SPG21: variants seen among roughly 807,000 people sequenced by gnomAD.
SPG21 encodes SPG21 abhydrolase domain containing, maspardin, also known as maspardin.
SPG21 carries 26 observed loss-of-function variants against 38.9 expected under a neutral mutation model. The ratio of observed to expected loss-of-function variants is 0.67; its 90% CI spans 0.49 to 0.93. The LOEUF is 0.93. Ranked by LOEUF, SPG21 falls within the 40% of genes least tolerant of loss-of-function variation. SPG21 has a pLI of 0.00. For missense variants in SPG21, 333 were observed against 376.5 expected, an observed-to-expected ratio of 0.88 and a Z score of 0.96; for synonymous variants, 136 against 128.9, an observed-to-expected ratio of 1.05 and a Z score of -0.37.
At chr15:64,964,024 C>T (rs1450366537) in intron 8 of SPG21, among the ~76,000 whole-genome samples, 3 of 152,084 alleles carry the variant, frequency 2.0e-5, no homozygotes, top group African/African-American at 7.2e-5. Context: ...CCCAAAGTGC[C>T]AGATTACAGG....
At chr15:64,972,519 T>TA (rs1197712856) in intron 5 of SPG21, among the ~76,000 whole-genome samples, 6 of 152,290 alleles carry the variant, frequency 3.9e-5, no homozygotes, top group Admixed American at 3.9e-4. Context: ...TGCTGAGTAA[T>TA]TACTAAGATA....
At chr15:64,987,990 C>T (rs1028039149) in intron 1 of SPG21, among the ~76,000 whole-genome samples, 5 of 152,176 alleles carry the variant, frequency 3.3e-5, no homozygotes, top group African/African-American at 7.2e-5. Context: ...GCCGAGATCA[C>T]GCCATTGCAC....
At chr15:64,974,474 CA>C (rs748818583) in intron 5 of SPG21, 127 bp downstream of exon 5, 824 of 1,100,670 alleles carry the variant, frequency 7.5e-4, no homozygotes, top group South Asian at 1.4e-3. Flanking sequence ...GACTCTGTCT[CA>C]AAAAAAAAGC....
chr15:64,969,335 C>T lies in SPG21; in HGVS notation c.589G>A (p.Ala197Thr). Residue 197 changes from alanine to threonine, a missense_variant, in exon 7 of 9, where the codon GCT (alanine) becomes ACT (threonine). By Grantham distance (58) the Ala-to-Thr change is moderately conservative (BLOSUM62 0). Transcript: ENST00000204566. ...TGACAATTCAAGGTAAGTCTTGAAG[C>T]CAGTTCACTCTGACCCAAACTTTCT... ...RLESLGQSEL[A>T]SRLTLNCQNS... is the part of the protein sequence containing the mutation. The T allele has an allele frequency of 1.2e-6, 2 of 1,613,908 alleles. No homozygotes were observed. The highest frequency in any genetic ancestry group is 1.7e-6 in the Non-Finnish European group (2 of 1,179,860).
rs748732125 is a variant in SPG21, at chr15:64,980,903, C to T, written c.186G>A (p.Gln62=). 6.2e-7 allele frequency: 1 copy of T among 1,613,832 alleles called. No individual in the cohort carries two copies. Among genetic ancestry groups the T allele is most frequent in the Non-Finnish European group, 8.5e-7 (1 of 1,179,980 alleles). ...AACCCCATCCAGTCAGAGCCAAAATCTGCCGGAAAAAGACATCTGCAGTTC... is the reference window on the plus strand; with the variant it reads ...AACCCCATCCAGTCAGAGCCAAAATTTGCCGGAAAAAGACATCTGCAGTTC... ...VSGTADVFFR[Q]ILALTGWGYR... Residue 62 remains glutamine (Q), a synonymous_variant, in exon 3 of 9, where the codon CAG becomes CAA. Coordinates refer to ENST00000204566, the MANE Select transcript of SPG21 (RefSeq NM_016630.7).
Position 64,976,514 on chromosome 15 carries a change from A to G in SPG21, c.267T>C (p.Asp89=), listed in dbSNP as rs2085776836. The G allele has an allele frequency of 1.2e-6, 2 of 1,613,268 alleles. No individual in the cohort carries two copies. The highest frequency in any genetic ancestry group is 1.3e-5 in the African/African-American group (1 of 74,918). The change falls in exon 4 of 9, where the codon GAT becomes GAC. Residue 89 remains aspartate, a synonymous_variant. Transcript: ENST00000204566. ...AATGGTCTAAAAGTTTTCTGAATCC[A>G]TCACAGAACTCGAGATGGTCCCAAT... The part of the protein sequence containing the change: ...PVYWDHLEFC[D]GFRKLLDHLQ...
At position 64,976,542 on chromosome 15, in the gene SPG21, A is replaced by G; in HGVS notation, c.239T>C (p.Val80Ala). 6.2e-7 allele frequency: 1 copy of G among 1,610,962 alleles called. No homozygotes were observed. Among genetic ancestry groups the G allele is most frequent in the Non-Finnish European group, 8.5e-7 (1 of 1,177,444 alleles). The change falls in exon 4 of 9, where the codon GTT becomes GCT. Residue 80 changes from valine (V) to alanine (A), a missense_variant. Physicochemically the swap from Val to Ala is moderately conservative, Grantham distance 64. Coordinates refer to ENST00000204566, the MANE Select transcript of SPG21 (RefSeq NM_016630.7). Reference sequence around the variant, plus strand: ...ACAGAACTCGAGATGGTCCCAATAAACTGGATACTGCAACTGAAATAATAA... The same window carrying G: ...ACAGAACTCGAGATGGTCCCAATAAGCTGGATACTGCAACTGAAATAATAA... ...GYRVIALQYP[V>A]YWDHLEFCDG...
intron 6 of SPG21, 30 bp downstream of exon 6, chr15:64,970,084 G>A: frequency 6.5e-7 from 1 of 1,545,516 alleles, no homozygotes; most frequent in Non-Finnish European, 8.9e-7. Flanking sequence ...CCAATACAAT[G>A]TGTCCCCAAC....
At chr15:64,973,872 A>C (rs924080178) in intron 5 of SPG21, among the ~76,000 whole-genome samples, 2 of 152,252 alleles carry the variant, frequency 1.3e-5, no homozygotes, top group African/African-American at 4.8e-5. Flanking sequence ...TCAAGGAAAT[A>C]AATTGGAAAG....
intron 7 of SPG21, among the ~76,000 whole-genome samples, chr15:64,967,498 G>A (rs1340121300): frequency 6.7e-5 from 10 of 148,474 alleles, no homozygotes; most frequent in South Asian, 2.1e-4. Context: ...TTTTTGAGAC[G>A]AAGTCTCACT....
intron 1 of SPG21, among the ~76,000 whole-genome samples, chr15:64,984,995 C>T (rs998368145): frequency 3.9e-5 from 6 of 151,998 alleles, no homozygotes; most frequent in African/African-American, 1.5e-4. Context: ...ATGATCCACC[C>T]GCCTCAGCCT....
Position 64,981,669 on chromosome 15 carries a change from C to T in SPG21, c.64-644G>A, listed in dbSNP as rs367782351. ...CAGCCTGAGCAACAGAGGGAGAGATCCTGTCTCTTAAAAAAAAAAAAGGCA... is the reference window on the plus strand; with the variant it reads ...CAGCCTGAGCAACAGAGGGAGAGATTCTGTCTCTTAAAAAAAAAAAAGGCA... On this transcript the variant is annotated intron_variant, in intron 2 of 8. Transcript: ENST00000204566. 849 of 151,378 alleles carry T rather than the reference C, an allele frequency of 5.6e-3. 48 individuals carry two copies. In the South Asian group the frequency reaches 0.12, roughly 22 times the overall value. 9.4% of individuals were successfully genotyped at this position (151,378 alleles called of 1,614,324 possible).
intron 4 of SPG21, 43 bp from the exon 5 acceptor site, chr15:64,974,790 A>G (rs2085744065): frequency 6.2e-7 from 1 of 1,612,638 alleles, no homozygotes; most frequent in South Asian, 1.1e-5. Context: ...AATACTGATC[A>G]ATCTTGAACC....
chr15:64,983,623 C>T (rs2085928575), intron 1 of SPG21, 30 bp from the exon 2 acceptor site: 1 of 1,320,326 alleles, frequency 7.6e-7, no homozygotes, highest in Non-Finnish European at 1.1e-6. Flanking sequence ...TATTTCACGT[C>T]AAGAATTCAT....
intron 7 of SPG21, among the ~76,000 whole-genome samples, chr15:64,965,777 C>T (rs2085529658): frequency 6.7e-6 from 1 of 149,504 alleles, no homozygotes; most frequent in Non-Finnish European, 1.5e-5. Flanking sequence ...TCTCGGCTCA[C>T]TGCAATCTCC....
chr15:64,963,960 T>C (rs2085497670), intron 8 of SPG21, among the ~76,000 whole-genome samples: 1 of 152,150 alleles, frequency 6.6e-6, no homozygotes, highest in African/African-American at 2.4e-5. Flanking sequence ...TTTCACCATG[T>C]TGGCCAGGCT....
Position 64,963,752 on chromosome 15 carries a change from A to G in SPG21, c.811-16T>C. 6.2e-7 allele frequency: 1 copy of G among 1,605,104 alleles called. No individual in the cohort carries two copies. The highest frequency in any genetic ancestry group is 8.5e-7 in the Non-Finnish European group (1 of 1,172,120). On this transcript the variant is annotated splice_polypyrimidine_tract_variant and intron_variant, in intron 8 of 8. Transcript: ENST00000204566. ...GCAAATGTATCTGTTGAAATGCAGA[A>G]TCATTATTTTATTTATTTTTTGAGC...
intron 6 of SPG21, among the ~76,000 whole-genome samples, 199 bp downstream of exon 6, chr15:64,969,915 C>G (rs1353734767): frequency 6.6e-6 from 1 of 152,134 alleles, no homozygotes; most frequent in Admixed American, 6.5e-5. Context: ...GAAAGCTCCC[C>G]TAAGTGATTT....
intron 3 of SPG21, among the ~76,000 whole-genome samples, chr15:64,978,406 C>G (rs559467654): frequency 6.7e-4 from 102 of 152,072 alleles, no homozygotes; most frequent in African/African-American, 2.4e-3. Flanking sequence ...CGAGATCATA[C>G]TACTGCACTC....
Sources: gnomAD v4.1 joint callset for allele counts (sites outside exome capture counted in the v4.1 genomes callset) on GRCh38, gnomAD v4.1.1 for gene constraint, MANE v1.5 for transcripts, NCBI Gene and HGNC (gene_info 2026-07-23, HGNC 2026-07-21) for gene names.